The following SLC12A1 variants were observed in gnomAD, a reference collection of about 807,000 sequenced individuals.
SLC12A1 encodes Na-K-2Cl cotransporter.
Under a neutral mutation model 130.4 loss-of-function variants are expected in SLC12A1, and 89 were observed. The observed-to-expected ratio is 0.68, with a 90% CI of 0.58 to 0.81. The LOEUF is 0.81. Ranked by LOEUF, SLC12A1 falls within the 40% of genes least tolerant of loss-of-function variation. The pLI, the probability that SLC12A1 is intolerant of heterozygous loss-of-function variation, is 0.00. For missense variants in SLC12A1, 1,310 were observed against 1,336.4 expected (o/e 0.98, Z 0.31); for synonymous variants, 499 against 460.0 (o/e 1.08, Z -1.09).
intron 23 of SLC12A1, among the ~76,000 whole-genome samples, chr15:48,290,740 T>C (rs2042110137): frequency 6.6e-6 from 1 of 152,098 alleles, no homozygotes; most frequent in Non-Finnish European, 1.5e-5. Flanking sequence ...ATATGTCTTT[T>C]CAATCAAAGC....
intron 9 of SLC12A1, among the ~76,000 whole-genome samples, chr15:48,238,784 T>A (rs61001756): frequency 0.037 from 5,677 of 152,270 alleles, 147 homozygotes; most frequent in East Asian, 0.09. Flanking sequence ...AGAATCCTCC[T>A]CTGGAAGGAA....
chr15:48,293,808 G>A (rs1597460339), intron 24 of SLC12A1, among the ~76,000 whole-genome samples: 1 of 152,106 alleles, frequency 6.6e-6, no homozygotes, highest in South Asian at 2.1e-4. Context: ...ACTTTGAGAG[G>A]CCAAGACGGG....
intron 1 of SLC12A1, among the ~76,000 whole-genome samples, chr15:48,206,994 A>G (rs1199514825): frequency 2.0e-5 from 3 of 152,228 alleles, no homozygotes; most frequent in Admixed American, 1.3e-4. Context: ...TGCATATTCT[A>G]AAACATAATT....
chr15:48,239,545 A>G (rs925046069), intron 9 of SLC12A1, among the ~76,000 whole-genome samples: 1 of 151,504 alleles, frequency 6.6e-6, no homozygotes, highest in Non-Finnish European at 1.5e-5. Flanking sequence ...TAAATAAATA[A>G]ATAATAATGT....
chr15:48,217,054 T>TA (rs1190002720), intron 2 of SLC12A1, among the ~76,000 whole-genome samples: 1 of 152,156 alleles, frequency 6.6e-6, no homozygotes, highest in Non-Finnish European at 1.5e-5. Flanking sequence ...GACTTAGTAT[T>TA]AAAAACAGAA....
chr15:48,302,173 A>G (rs947202346), intron 26 of SLC12A1, among the ~76,000 whole-genome samples: 6 of 152,202 alleles, frequency 3.9e-5, no homozygotes, highest in Admixed American at 6.5e-5. Flanking sequence ...CAAATTCCCT[A>G]TTTAAAGGAA....
At chr15:48,232,214 A>G (rs1338065340) in intron 7 of SLC12A1, among the ~76,000 whole-genome samples, 2 of 152,234 alleles carry the variant, frequency 1.3e-5, no homozygotes, top group Non-Finnish European at 2.9e-5. Flanking sequence ...AAGGAAGACC[A>G]TCTGACCAGT....
chr15:48,251,041 T>G (rs367645905), intron 14 of SLC12A1, among the ~76,000 whole-genome samples: 1 of 152,288 alleles, frequency 6.6e-6, no homozygotes, highest in South Asian at 2.1e-4. Flanking sequence ...AAGCCTTTGC[T>G]AGCCCTTAAG....
intron 19 of SLC12A1, among the ~76,000 whole-genome samples, chr15:48,272,630 G>C (rs891422897): frequency 6.6e-6 from 1 of 152,094 alleles, no homozygotes; most frequent in Non-Finnish European, 1.5e-5. Context: ...GTTTCACCAT[G>C]TTGGCCAGGT....
At chr15:48,234,678 G>A (rs1393694638) in intron 8 of SLC12A1, among the ~76,000 whole-genome samples, 199 bp from the exon 9 acceptor site, 1 of 151,998 alleles carries the variant, frequency 6.6e-6, no homozygotes, top group Non-Finnish European at 1.5e-5. Context: ...GCTTGAACCT[G>A]GGAGGCAGAG....
In SLC12A1 at chr15:48,230,522, A is replaced by G. The variant is rs201453536; in HGVS notation, c.975+19A>G. ...GGCAAAGGTAAATTTCTCAAAAATG[A>G]TATTATCAACAGTGGCTGGTCAGGT... On this transcript the variant is annotated intron_variant, in intron 7 of 26. Transcript: ENST00000380993. The G allele has an allele frequency of 1.4e-5, 21 of 1,508,760 alleles. No individual in the cohort carries two copies. The highest frequency in any genetic ancestry group is 1.9e-5 in the Non-Finnish European group (21 of 1,090,758). The allele number at this position is 1,508,760 out of a possible 1,614,324, so 93.5% of individuals were successfully genotyped here.
In SLC12A1 at chr15:48,247,427, A is replaced by ACTT; in HGVS notation, c.1652_1654dup (p.Thr551_Phe552insSer). ...TGAACCCCTGAGAGGATATATTCTC[A>ACTT]CTTTTCTTATAGCCATGGCATTTAT... On this transcript the variant is annotated inframe_insertion, in exon 13 of 27. Transcript: ENST00000380993. The ACTT allele has an allele frequency of 6.2e-7, 1 of 1,610,734 alleles. No individual in the cohort carries two copies. Among genetic ancestry groups the ACTT allele is most frequent in the Non-Finnish European group, 8.5e-7 (1 of 1,177,242 alleles).
intron 2 of SLC12A1, among the ~76,000 whole-genome samples, chr15:48,213,801 G>A (rs2041085495): frequency 6.6e-6 from 1 of 152,096 alleles, no homozygotes; most frequent in South Asian, 2.1e-4. Context: ...GGGACTACAG[G>A]TGTGAGCCAC....
chr15:48,255,977 CA>C (rs2141071183), intron 16 of SLC12A1, 67 bp downstream of exon 16: 2 of 895,354 alleles, frequency 2.2e-6, no homozygotes, highest in East Asian at 5.3e-5. Flanking sequence ...TTATAAGAGA[CA>C]AGGGCATTCA....
chr15:48,225,403 T>C (rs1049765183), intron 4 of SLC12A1: 3 of 152,180 alleles, frequency 2.0e-5, no homozygotes, highest in African/African-American at 7.2e-5. Context: ...AGGCCAATTA[T>C]CATGTTTATA....
At position 48,303,061 on chromosome 15, in the gene SLC12A1, C is replaced by T; in HGVS notation, c.*176C>T. On this transcript the variant is annotated 3_prime_UTR_variant, in exon 27 of 27. Coordinates refer to ENST00000380993, the MANE Select transcript of SLC12A1 (RefSeq NM_000338.3). ...GTTAATGCGAGCTTTTTTTTCTCTT[C>T]TCAGCTTAAGGGGTTGTCAAAGCCA... is the stretch of plus-strand genomic sequence containing the variant. 2.1e-6 allele frequency: 1 copy of T among 480,966 alleles called. No homozygotes were observed. The highest frequency in any genetic ancestry group is 3.5e-6 in the Non-Finnish European group (1 of 281,924). 29.8% of individuals were successfully genotyped at this position (480,966 alleles called of 1,614,324 possible).
chr15:48,221,399 T>C (rs1374562694), intron 4 of SLC12A1: 3 of 701,062 alleles, frequency 4.3e-6, no homozygotes, highest in African/African-American at 3.5e-5. Flanking sequence ...GTGAGAAAAC[T>C]GGTGAAAATG....
Position 48,249,608 on chromosome 15 carries a change from A to G in SLC12A1, c.1718A>G (p.Asn573Ser). 1 of 1,613,784 alleles carries G rather than the reference A, an allele frequency of 6.2e-7. No homozygotes were observed. Among genetic ancestry groups the G allele is most frequent in the Non-Finnish European group, 8.5e-7 (1 of 1,179,816 alleles). Reference protein sequence around the residue: ...ELNTIAPIISNFFLASYALIN... With the variant: ...ELNTIAPIISSFFLASYALIN... ...AACACCATTGCTCCCATCATCTCCA[A>G]CTTTTTCCTGGCCTCATATGCACTT... Residue 573 changes from asparagine to serine, a missense_variant, in exon 14 of 27, where the codon AAC becomes AGC. Coordinates refer to ENST00000380993, the MANE Select transcript of SLC12A1 (RefSeq NM_000338.3).
intron 9 of SLC12A1, chr15:48,235,345 T>TA (rs5812439): frequency 0.63 from 149,349 of 238,138 alleles, 46,592 homozygotes; most frequent in Non-Finnish European, 0.74. Context: ...CCTGTAAAAG[T>TA]AAAAAAAAAA....
Sources: gnomAD v4.1 joint callset for allele counts (sites outside exome capture counted in the v4.1 genomes callset) on GRCh38, gnomAD v4.1.1 for gene constraint, MANE v1.5 for transcripts, NCBI Gene and HGNC (gene_info 2026-07-23, HGNC 2026-07-21) for gene names.